Variants in DENR observed in about 807,000 individuals in gnomAD.
The protein encoded by DENR is density-regulated protein.
DENR carries 6 observed loss-of-function variants against 30.6 expected under a neutral mutation model. The ratio of observed to expected loss-of-function variants is 0.20; its 90% CI spans 0.11 to 0.39. DENR has a LOEUF of 0.39. Ranked by LOEUF, DENR falls within the 10% of genes least tolerant of loss-of-function variation. The pLI is 1.00. For missense variants in DENR, 141 were observed against 230.9 expected (o/e 0.61, Z 2.52); for synonymous variants, 78 against 72.1 (o/e 1.08, Z -0.41).
chr12:122,763,786 G>C (rs1198791280), intron 4 of DENR, among the ~76,000 whole-genome samples: 1 of 152,232 alleles, frequency 6.6e-6, no homozygotes. Context: ...GCTACACACT[G>C]TTGCAGATTC....
Position 122,765,350 on chromosome 12 carries a change from A to G in DENR, c.258A>G (p.Thr86=). 1 of 1,552,156 alleles carries G rather than the reference A, an allele frequency of 6.4e-7. No homozygotes were observed. ...QEAGISEGQG[T]AGEEEEKKKQ... ...CTGGAATTAGTGAGGGTCAAGGAACAGCAGGGGAAGAAGAGGAGAAGAAAA... is the reference window on the plus strand; with the variant it reads ...CTGGAATTAGTGAGGGTCAAGGAACGGCAGGGGAAGAAGAGGAGAAGAAAA... The change falls in exon 5 of 8, where the codon ACA becomes ACG. Residue 86 remains threonine (T), a synonymous_variant. Transcript: ENST00000280557.
Position 122,770,569 on chromosome 12 carries a change from A to G in DENR, c.*1491A>G. Reference sequence around the variant, plus strand: ...TAGTCCTGGAAATAGCAATTGAAACATGTCTTCTCACAAGAGAAAATGACA... The same window carrying G: ...TAGTCCTGGAAATAGCAATTGAAACGTGTCTTCTCACAAGAGAAAATGACA... On this transcript the variant is annotated 3_prime_UTR_variant, in exon 8 of 8. Transcript: ENST00000280557. 2.5e-6 allele frequency: 1 copy of G among 398,446 alleles called. No individual in the cohort carries two copies. The highest frequency in any genetic ancestry group is 4.4e-6 in the Non-Finnish European group (1 of 225,998). The allele number at this position is 398,446 out of a possible 1,614,324, so 24.7% of individuals were successfully genotyped here.
intron 2 of DENR, among the ~76,000 whole-genome samples, chr12:122,760,048 G>A (rs991349984): frequency 2.0e-5 from 3 of 152,152 alleles, no homozygotes; most frequent in African/African-American, 7.2e-5. Flanking sequence ...TGATTGTGTG[G>A]TAGCATGTTA....
At chr12:122,766,527 G>A (rs1374756535) in intron 5 of DENR, among the ~76,000 whole-genome samples, 3 of 152,152 alleles carry the variant, frequency 2.0e-5, no homozygotes, top group African/African-American at 4.8e-5. Flanking sequence ...GATCTGGCCT[G>A]TGTCTCTAGC....
In DENR at chr12:122,769,221, T is replaced by G. The variant is rs1878939635; in HGVS notation, c.*143T>G. The G allele has an allele frequency of 5.1e-6, 4 of 781,264 alleles. No individual in the cohort carries two copies. The highest frequency in any genetic ancestry group is 4.7e-6 in the Non-Finnish European group (3 of 631,694). 48.4% of individuals were successfully genotyped at this position (781,264 alleles called of 1,614,324 possible). A position where few individuals can be genotyped will look rare whatever the true frequency, so the allele number is the denominator to read the frequency against. On this transcript the variant is annotated 3_prime_UTR_variant, in exon 8 of 8. Transcript: ENST00000280557. ...GTATGTATACACATATACACATGTA[T>G]ATATACATGTGTGTATGTATACATG...
intron 2 of DENR, chr12:122,754,180 C>T (rs971397551): frequency 3.2e-5 from 8 of 253,304 alleles, no homozygotes; most frequent in South Asian, 4.8e-5. Context: ...ACAAAGCGCA[C>T]GACTATGTAA....
chr12:122,764,600 A>T (rs1878797198), intron 4 of DENR, among the ~76,000 whole-genome samples: 3 of 151,998 alleles, frequency 2.0e-5, no homozygotes, highest in Admixed American at 2.0e-4. Context: ...ACTCCGTCTC[A>T]AAAAAAATGG....
Position 122,765,287 on chromosome 12 carries a change from T to C in DENR, c.212-17T>C. The C allele has an allele frequency of 6.5e-7, 1 of 1,545,412 alleles. No individual in the cohort carries two copies. Among genetic ancestry groups the C allele is most frequent in the East Asian group, 2.4e-5 (1 of 40,878 alleles). On this transcript the variant is annotated splice_polypyrimidine_tract_variant and intron_variant, in intron 4 of 7. Coordinates refer to ENST00000280557, the MANE Select transcript of DENR (RefSeq NM_003677.5). Reference sequence around the variant, plus strand: ...TGAGATGATGTTCATGCTTTTGTATTTCACTTTTATATCTAGAAAATTCAC... The same window carrying C: ...TGAGATGATGTTCATGCTTTTGTATCTCACTTTTATATCTAGAAAATTCAC...
At chr12:122,762,576 C>G (rs748146408) in intron 3 of DENR, among the ~76,000 whole-genome samples, 1 of 152,180 alleles carries the variant, frequency 6.6e-6, no homozygotes, top group Non-Finnish European at 1.5e-5. Flanking sequence ...ATGAGCAAGT[C>G]ATGAAAATGA....
At chr12:122,756,005 C>A (rs1013025552) in intron 2 of DENR, among the ~76,000 whole-genome samples, 1 of 152,178 alleles carries the variant, frequency 6.6e-6, no homozygotes, top group African/African-American at 2.4e-5. Context: ...ACATCATAAT[C>A]AACAATTTAC....
intron 5 of DENR, among the ~76,000 whole-genome samples, chr12:122,765,820 CTG>C (rs2135512223): frequency 6.6e-6 from 1 of 152,144 alleles, no homozygotes; most frequent in South Asian, 2.1e-4. Context: ...GCTAAAATTC[CTG>C]TGTCTTCTAT....
chr12:122,755,967 A>G (rs1375079461), intron 2 of DENR, among the ~76,000 whole-genome samples: 1 of 152,228 alleles, frequency 6.6e-6, no homozygotes, highest in Non-Finnish European at 1.5e-5. Flanking sequence ...CTTGGTAAGA[A>G]GGTATGATGA....
At chr12:122,768,680 T>C in intron 6 of DENR, 102 bp from the exon 7 acceptor site, 1 of 1,060,456 alleles carries the variant, frequency 9.4e-7, no homozygotes, top group South Asian at 1.7e-5. Context: ...CCATTAACAA[T>C]CTGTTTTATG....
chr12:122,765,666 A>T (rs1393848013), intron 5 of DENR, among the ~76,000 whole-genome samples: 1 of 152,118 alleles, frequency 6.6e-6, no homozygotes, highest in Non-Finnish European at 1.5e-5. Context: ...AATACCATGT[A>T]CCTGTTATTG....
intron 2 of DENR, among the ~76,000 whole-genome samples, chr12:122,757,763 T>G (rs1170061019): frequency 1.3e-5 from 2 of 152,218 alleles, no homozygotes; most frequent in Non-Finnish European, 2.9e-5. Flanking sequence ...GAAAAGTTCT[T>G]AATCTGGGAA....
intron 2 of DENR, among the ~76,000 whole-genome samples, chr12:122,761,005 T>C (rs1878685391): frequency 2.0e-5 from 3 of 152,142 alleles, no homozygotes; most frequent in Admixed American, 1.3e-4. Context: ...CCCAGCTACT[T>C]GGGAGGCTGA....
In DENR at chr12:122,769,191, T is replaced by TA. The variant is rs1878935626; in HGVS notation, c.*114dup. On this transcript the variant is annotated 3_prime_UTR_variant, in exon 8 of 8. Transcript: ENST00000280557. ...ACACATATATATGTATATATACACA[T>TA]ATATGTATGTATACACATATACACA... The TA allele has an allele frequency of 9.9e-7, 1 of 1,012,892 alleles. No individual in the cohort carries two copies. The highest frequency in any genetic ancestry group is 3.9e-5 in the Admixed American group (1 of 25,596). 62.7% of individuals were successfully genotyped at this position (1,012,892 alleles called of 1,614,324 possible).
chr12:122,756,513 G>A (rs1179100023), intron 2 of DENR, among the ~76,000 whole-genome samples: 1 of 152,166 alleles, frequency 6.6e-6, no homozygotes, highest in African/African-American at 2.4e-5. Flanking sequence ...GTACAGGAGG[G>A]GAGAGATTTG....
At chr12:122,753,589 C>A in intron 1 of DENR, 104 bp from the exon 2 acceptor site, 1 of 830,916 alleles carries the variant, frequency 1.2e-6, no homozygotes, top group Non-Finnish European at 2.0e-6. Context: ...CAACAACAGA[C>A]TTGAAACAGC....
Sources: allele counts gnomAD v4.1 joint callset (sites outside exome capture counted in the v4.1 genomes callset), GRCh38; gene constraint gnomAD v4.1.1; transcripts MANE v1.5; gene names NCBI Gene and HGNC (gene_info 2026-07-23, HGNC 2026-07-21).